Variants in SPAG16 observed in about 807,000 individuals in gnomAD.
SPAG16 encodes the protein sperm associated antigen 16.
SPAG16 carries 86 observed loss-of-function variants against 80.4 expected under a neutral mutation model. The ratio of observed to expected loss-of-function variants is 1.07; its 90% CI spans 0.90 to 1.28. The LOEUF (loss-of-function observed/expected upper bound fraction) is 1.28. Ranked by LOEUF, SPAG16 falls within the 50% of genes most tolerant of loss-of-function variation. SPAG16 has a pLI of 0.00. For missense variants in SPAG16, 870 were observed against 765.3 expected, an observed-to-expected ratio of 1.14 and a Z score of -1.61; for synonymous variants, 294 against 265.9, an observed-to-expected ratio of 1.11 and a Z score of -1.03.
intron 5 of SPAG16, among the ~76,000 whole-genome samples, chr2:213,319,234 T>C (rs2063521468): frequency 6.6e-6 from 1 of 151,978 alleles, no homozygotes; most frequent in Non-Finnish European, 1.5e-5. Flanking sequence ...AACTACCATA[T>C]AGGAACATAA....
chr2:213,456,560 A>T (rs911487847), intron 9 of SPAG16, among the ~76,000 whole-genome samples: 9 of 152,102 alleles, frequency 5.9e-5, no homozygotes, highest in African/African-American at 9.7e-5. Flanking sequence ...ATTTTCTCTT[A>T]GGTATTTTGT....
chr2:213,527,038 C>G (rs1195411763), intron 10 of SPAG16, among the ~76,000 whole-genome samples: 1 of 152,218 alleles, frequency 6.6e-6, no homozygotes, highest in African/African-American at 2.4e-5. Flanking sequence ...CAGCTAACCT[C>G]TGATTCTCAC....
intron 10 of SPAG16, among the ~76,000 whole-genome samples, chr2:213,527,737 A>G (rs1427254873): frequency 2.6e-5 from 4 of 152,202 alleles, no homozygotes; most frequent in African/African-American, 9.6e-5. Context: ...ATCAGCCACA[A>G]CTCTGAAAAG....
intron 5 of SPAG16, 139 bp from the exon 6 acceptor site, chr2:213,340,024 A>C (rs2064592315): frequency 1.6e-6 from 1 of 619,272 alleles, no homozygotes; most frequent in East Asian, 2.8e-5. Flanking sequence ...TTTGATGAGA[A>C]TCTTCGATGA....
chr2:213,404,644 A>T (rs1172434948), intron 9 of SPAG16, among the ~76,000 whole-genome samples: 1 of 152,316 alleles, frequency 6.6e-6, no homozygotes, highest in East Asian at 1.9e-4. Context: ...GGACATAGGC[A>T]TGGGCAAAGA....
chr2:213,555,492 T>C (rs921048178), intron 10 of SPAG16, among the ~76,000 whole-genome samples: 1 of 152,218 alleles, frequency 6.6e-6, no homozygotes, highest in Admixed American at 6.5e-5. Flanking sequence ...CCACCATGAT[T>C]GAAAGTTTCC....
intron 13 of SPAG16, among the ~76,000 whole-genome samples, chr2:214,095,593 T>C (rs1165956058): frequency 6.6e-6 from 1 of 152,138 alleles, no homozygotes; most frequent in Non-Finnish European, 1.5e-5. Context: ...GGGTTTTTCC[T>C]TTCTGAATAT....
intron 10 of SPAG16, among the ~76,000 whole-genome samples, chr2:213,534,936 C>G (rs1195859867): frequency 8.6e-5 from 13 of 152,012 alleles, no homozygotes; most frequent in Admixed American, 8.5e-4. Context: ...TCCAGTATGA[C>G]TGGTGTTCTT....
At chr2:213,859,997 T>TGATGATGATGATGATGAC (rs1225929370) in intron 10 of SPAG16, among the ~76,000 whole-genome samples, 1 of 149,076 alleles carries the variant, frequency 6.7e-6, no homozygotes, top group Non-Finnish European at 1.5e-5. Context: ...CATTAGTTGA[T>TGATGATGATGATGATGAC]GATGATGATG....
chr2:214,222,291 A>G (rs1397603496), intron 15 of SPAG16, among the ~76,000 whole-genome samples: 1 of 151,698 alleles, frequency 6.6e-6, no homozygotes, highest in Admixed American at 6.6e-5. Flanking sequence ...TAATTTGTGT[A>G]TTTTTAGTAG....
intron 13 of SPAG16, among the ~76,000 whole-genome samples, chr2:214,072,435 C>A (rs140678001): frequency 2.0e-3 from 309 of 152,206 alleles, no homozygotes; most frequent in Middle Eastern, 6.8e-3. Context: ...CACTCCTACA[C>A]CCCGAACAAT....
chr2:214,284,750 A>G (rs1266662939), intron 15 of SPAG16, among the ~76,000 whole-genome samples: 1 of 152,050 alleles, frequency 6.6e-6, no homozygotes. Context: ...TTACCAAATT[A>G]TCTTTTATCC....
intron 15 of SPAG16, among the ~76,000 whole-genome samples, chr2:214,289,058 G>A (rs1181810007): frequency 1.3e-5 from 2 of 152,106 alleles, no homozygotes; most frequent in African/African-American, 4.8e-5. Flanking sequence ...ATGAGCCACC[G>A]TTCCCAGCCC....
chr2:213,660,254 G>A (rs1194049567), intron 10 of SPAG16, among the ~76,000 whole-genome samples: 2 of 151,566 alleles, frequency 1.3e-5, no homozygotes, highest in Non-Finnish European at 2.9e-5. Context: ...ACACAACAGA[G>A]TGGCTATTAG....
chr2:213,858,936 T>C (rs1034306187), intron 10 of SPAG16, among the ~76,000 whole-genome samples: 3 of 151,688 alleles, frequency 2.0e-5, no homozygotes, highest in African/African-American at 7.3e-5. Flanking sequence ...ATCCCAGCAC[T>C]TTGGGAGGCC....
chr2:213,619,134 G>C (rs1310776064), intron 10 of SPAG16, among the ~76,000 whole-genome samples: 1 of 152,116 alleles, frequency 6.6e-6, no homozygotes, highest in South Asian at 2.1e-4. Flanking sequence ...GATTAGGAAG[G>C]ATGATAGGTA....
At chr2:214,029,963 T>C (rs2048327934) in intron 13 of SPAG16, among the ~76,000 whole-genome samples, 1 of 152,050 alleles carries the variant, frequency 6.6e-6, no homozygotes, top group Non-Finnish European at 1.5e-5. Context: ...AAAGTTTCCG[T>C]GTGTGTGTAT....
chr2:213,978,569 GTTAT>G (rs1304862703), intron 12 of SPAG16, among the ~76,000 whole-genome samples: 6 of 152,086 alleles, frequency 3.9e-5, no homozygotes, highest in Admixed American at 3.9e-4. Flanking sequence ...TAAATTTTGT[GTTAT>G]TTGTCAATTG....
intron 10 of SPAG16, among the ~76,000 whole-genome samples, chr2:213,677,550 T>C (rs569754374): frequency 1.3e-5 from 2 of 152,044 alleles, no homozygotes; most frequent in Non-Finnish European, 2.9e-5. Flanking sequence ...AAGGGATCAA[T>C]TCAACAAGAA....
Sources: allele counts gnomAD v4.1 joint callset (sites outside exome capture counted in the v4.1 genomes callset), GRCh38; gene constraint gnomAD v4.1.1; transcripts MANE v1.5; gene names NCBI Gene and HGNC (gene_info 2026-07-23, HGNC 2026-07-21).